Variants in LMF1 observed in about 807,000 individuals in gnomAD.
LMF1 encodes transmembrane protein 112.
In LMF1, 68 loss-of-function variants were observed where a neutral mutation model predicts 60.6. The observed-to-expected ratio is 1.12, with a 90% confidence interval of 0.92 to 1.37. The LOEUF is 1.37. LMF1 is among the 40% of genes most tolerant of loss of function. The pLI is 0.00. For missense variants in LMF1, 948 were observed against 767.2 expected, an observed-to-expected ratio of 1.24 and a Z score of -2.78; for synonymous variants, 418 against 324.7, an observed-to-expected ratio of 1.29 and a Z score of -3.09.
intron 1 of LMF1, among the ~76,000 whole-genome samples, chr16:954,944 C>G (rs1184404538): frequency 8.3e-6 from 1 of 121,034 alleles, no homozygotes; most frequent in Admixed American, 7.9e-5. Flanking sequence ...CCGCAGCAGA[C>G]GCGGTGTGTG....
At chr16:892,262 C>T (rs774866647) in intron 5 of LMF1, among the ~76,000 whole-genome samples, 7 of 152,204 alleles carry the variant, frequency 4.6e-5, no homozygotes, top group Admixed American at 1.3e-4. Context: ...GTGCGAGTGA[C>T]GGGCCAAATG....
At chr16:935,855 C>T (rs1424081987) in intron 2 of LMF1, among the ~76,000 whole-genome samples, 2 of 152,174 alleles carry the variant, frequency 1.3e-5, no homozygotes, top group South Asian at 2.1e-4. Context: ...CTTGACATTA[C>T]GATAAAAGCA....
At chr16:884,994 A>G (rs2070266118) in intron 5 of LMF1, 5 of 152,408 alleles carry the variant, frequency 3.3e-5, no homozygotes, top group Middle Eastern at 3.4e-3. Context: ...AATGGTAAGT[A>G]TATGGATACA....
In LMF1 at chr16:879,630, G is replaced by T. The variant is rs61745065; in HGVS notation, c.837C>A (p.Phe279Leu). 7,576 of 1,613,516 alleles carry T rather than the reference G, an allele frequency of 4.7e-3. 314 individuals are homozygous for T. In the African/African-American group the frequency reaches 0.09, roughly 19 times the overall value. The change falls in exon 6 of 11, where the codon TTC becomes TTA. Residue 279 changes from phenylalanine (F) to leucine (L), a missense_variant. Phe to Leu is a conservative substitution (Grantham distance 22). Transcript: ENST00000262301. The part of the protein sequence containing the change: ...SNHFIELLVP[F>L]FLFLGRRACI... The stretch of plus-strand genomic sequence containing the variant: ...ACGCCCGCCGGCCGAGGAAGAGGAA[G>T]AAGGGCACCAGGAGCTCGATGAAGT...
intron 3 of LMF1, among the ~76,000 whole-genome samples, chr16:914,857 T>G (rs1450408783): frequency 4.6e-5 from 5 of 107,890 alleles, no homozygotes. Context: ...GGTGACAAAA[T>G]TTTACTGCCT....
At chr16:919,168 C>T (rs2071361661) in intron 3 of LMF1, among the ~76,000 whole-genome samples, 1 of 152,152 alleles carries the variant, frequency 6.6e-6, no homozygotes, top group Admixed American at 6.5e-5. Flanking sequence ...TTTCCAGACC[C>T]TCCCCTGACA....
At chr16:971,069 G>C, upstream of LMF1, 5 of 1,303,650 alleles carry the variant, frequency 3.8e-6, no homozygotes, top group Non-Finnish European at 5.0e-6. Flanking sequence ...GGCCGGCCCT[G>C]CCCACGGCCG....
intron 1 of LMF1, among the ~76,000 whole-genome samples, chr16:964,949 G>A (rs1183782851): frequency 6.6e-6 from 1 of 152,218 alleles, no homozygotes; most frequent in Non-Finnish European, 1.5e-5. Context: ...CAGAACAGAC[G>A]CCACAGTGCG....
At chr16:932,281 T>G (rs1279013892) in intron 3 of LMF1, among the ~76,000 whole-genome samples, 2 of 152,192 alleles carry the variant, frequency 1.3e-5, no homozygotes, top group Non-Finnish European at 2.9e-5. Context: ...ATGGGTCCTG[T>G]GGCCCTGGTG....
At chr16:913,065 C>T (rs2151757411) in intron 3 of LMF1, among the ~76,000 whole-genome samples, 1 of 152,342 alleles carries the variant, frequency 6.6e-6, no homozygotes, top group East Asian at 1.9e-4. Flanking sequence ...GCCGTCCTCG[C>T]CCCCGCCTCA....
intron 5 of LMF1, among the ~76,000 whole-genome samples, chr16:883,290 C>G (rs1165267621): frequency 2.0e-5 from 3 of 151,048 alleles, no homozygotes; most frequent in South Asian, 4.2e-4. Flanking sequence ...AGAAGAGCTG[C>G]CCGGCAGAGC....
intron 10 of LMF1, among the ~76,000 whole-genome samples, chr16:867,704 G>T (rs1003900151): frequency 5.9e-5 from 9 of 152,180 alleles, no homozygotes; most frequent in East Asian, 3.9e-4. Context: ...CCCACCGGGG[G>T]CTCTGGGATG....
intron 2 of LMF1, 68 bp downstream of exon 2, chr16:954,288 GA>G: frequency 6.9e-7 from 1 of 1,449,936 alleles, no homozygotes; most frequent in Non-Finnish European, 9.5e-7. Flanking sequence ...CAAGTGCCAG[GA>G]CACCTGCAGT....
At chr16:963,922 C>T (rs1225175297) in intron 1 of LMF1, 2 of 396,146 alleles carry the variant, frequency 5.0e-6, no homozygotes, top group Non-Finnish European at 1.0e-5. Flanking sequence ...AATCTTGAAA[C>T]ATCACAGGCT....
intron 1 of LMF1, among the ~76,000 whole-genome samples, chr16:977,993 C>T (rs1466972243): frequency 6.2e-4 from 83 of 134,174 alleles, no homozygotes; most frequent in Admixed American, 8.2e-4. Flanking sequence ...CACATACACG[C>T]ACACACACAC....
chr16:934,923 A>G (rs1445097336), intron 2 of LMF1, among the ~76,000 whole-genome samples: 1 of 152,066 alleles, frequency 6.6e-6, no homozygotes, highest in African/African-American at 2.4e-5. Context: ...TCTGCCACCT[A>G]TGGTCCCGCA....
chr16:947,251 T>G, intron 2 of LMF1: 1 of 332,622 alleles, frequency 3.0e-6, no homozygotes, highest in South Asian at 2.4e-5. Context: ...TACCATCAAA[T>G]ATGTCTACGC....
At chr16:938,862 G>A (rs932871224) in intron 2 of LMF1, among the ~76,000 whole-genome samples, 4 of 152,218 alleles carry the variant, frequency 2.6e-5, no homozygotes, top group Admixed American at 2.0e-4. Flanking sequence ...CCTTAAAAGT[G>A]TAAGGAAAAA....
chr16:898,431 G>C (rs538667446), intron 4 of LMF1, among the ~76,000 whole-genome samples: 1 of 152,228 alleles, frequency 6.6e-6, no homozygotes, highest in Non-Finnish European at 1.5e-5. Context: ...CGGGATCTAA[G>C]GCCTGTTCTC....
Sources: allele counts gnomAD v4.1 joint callset (sites outside exome capture counted in the v4.1 genomes callset), GRCh38; gene constraint gnomAD v4.1.1; transcripts MANE v1.5; gene names NCBI Gene and HGNC (gene_info 2026-07-23, HGNC 2026-07-21).